TAF7L: variants seen among roughly 807,000 people sequenced by gnomAD.
TAF7L encodes the protein transcription initiation factor TFIID subunit 7-like.
Under a neutral mutation model 30.2 loss-of-function variants are expected in TAF7L, and 6 were observed. That is an observed-to-expected ratio of 0.20 (90% confidence interval 0.11 to 0.39). TAF7L has a LOEUF of 0.39. Ranked by LOEUF, TAF7L falls within the 10% of genes least tolerant of loss-of-function variation. The pLI, the probability that TAF7L is intolerant of heterozygous loss-of-function variation, is 1.00. For missense variants in TAF7L, 284 were observed against 277.1 expected, an observed-to-expected ratio of 1.03 and a Z score of -0.18; for synonymous variants, 93 against 94.5, an observed-to-expected ratio of 0.98 and a Z score of 0.09.
At chrX:101,287,635 A>G (rs1924650997) in intron 1 of TAF7L, 90 bp from the exon 2 acceptor site, 1 of 635,761 alleles carries the variant, frequency 1.6e-6, no homozygotes, top group East Asian at 3.4e-5. Context: ...AGTACTGGCT[A>G]AATTATACAA....
In TAF7L at chrX:101,276,378, A is replaced by AGAT. The variant is rs1160113170; in HGVS notation, c.839_841dup (p.Tyr280_Leu281insHis). 1 of 1,208,934 alleles carries AGAT rather than the reference A, an allele frequency of 8.3e-7. No homozygotes were observed. The highest frequency in any genetic ancestry group is 1.8e-5 in the African/African-American group (1 of 56,778). The stretch of plus-strand genomic sequence containing the variant: ...AAACTCGGCCTGCAGCTGCCTTTCC[A>AGAT]GATACTCTTCAGAACAATCTTCCTC... On this transcript the variant is annotated inframe_insertion, in exon 10 of 13. Coordinates refer to ENST00000356784, the MANE Select transcript of TAF7L (RefSeq NM_001168474.2).
At chrX:101,272,128 A>G (rs1456927986) in intron 12 of TAF7L, among the ~76,000 whole-genome samples, 3 of 110,763 alleles carry the variant, frequency 2.7e-5, no homozygotes, top group African/African-American at 9.9e-5. Context: ...GTCAGCACAC[A>G]TTTTCTATAC....
intron 6 of TAF7L, among the ~76,000 whole-genome samples, chrX:101,280,141 A>G (rs761248993): frequency 1.8e-5 from 2 of 111,181 alleles, no homozygotes; most frequent in South Asian, 3.8e-4. Flanking sequence ...TTTCAAAAAA[A>G]TCAATATATT....
chrX:101,284,749 G>C (rs1337569339), intron 3 of TAF7L, among the ~76,000 whole-genome samples: 2 of 109,194 alleles, frequency 1.8e-5, no homozygotes, highest in East Asian at 5.7e-4. Context: ...GTGAGATTAT[G>C]AGCCACTTTT....
chrX:101,280,195 A>G (rs992567943), intron 6 of TAF7L, among the ~76,000 whole-genome samples: 1 of 111,802 alleles, frequency 8.9e-6, no homozygotes, highest in Non-Finnish European at 1.9e-5. Flanking sequence ...GAAAGACCCT[A>G]CGAAGAGGAT....
At chrX:101,287,453 T>A in intron 2 of TAF7L, 25 bp downstream of exon 2, 3 of 1,099,627 alleles carry the variant, frequency 2.7e-6, no homozygotes, top group Non-Finnish European at 3.7e-6. Context: ...TATGAAGATA[T>A]TTGTTCTGAG....
chrX:101,269,261 T>A (rs775056971), intron 12 of TAF7L, 24 bp from the exon 13 acceptor site: 2 of 1,184,796 alleles, frequency 1.7e-6, no homozygotes, highest in Admixed American at 4.5e-5. Flanking sequence ...TAGAAAGACA[T>A]GAAAAATTCA....
In TAF7L at chrX:101,274,810, G is replaced by A. The variant is rs145505980; in HGVS notation, c.1086+412C>T. On this transcript the variant is annotated intron_variant, in intron 12 of 12. Coordinates refer to ENST00000356784, the MANE Select transcript of TAF7L (RefSeq NM_001168474.2). Reference sequence around the variant, plus strand: ...TTATTTCAACGTTTAATTATTAGAAGCGTTTTGGTTTTTATTTAGAAGTTT... The same window carrying A: ...TTATTTCAACGTTTAATTATTAGAAACGTTTTGGTTTTTATTTAGAAGTTT... Among the ~76,000 whole-genome samples, 797 of 112,008 alleles carry A rather than the reference G, an allele frequency of 7.1e-3. 4 individuals are homozygous for A. The highest frequency in any genetic ancestry group is 0.069 in the Middle Eastern group (15 of 216).
chrX:101,284,666 G>A (rs1174939552), intron 3 of TAF7L, among the ~76,000 whole-genome samples: 1 of 111,879 alleles, frequency 8.9e-6, no homozygotes, highest in East Asian at 2.8e-4. Flanking sequence ...CACCCAGCCT[G>A]TTTTATTTGA....
In TAF7L at chrX:101,277,628, G is replaced by A. The variant is rs762391009; in HGVS notation, c.669C>T (p.His223=). 12 of 1,190,823 alleles carry A rather than the reference G, an allele frequency of 1.0e-5. No homozygotes were observed. In the East Asian group the frequency reaches 3.6e-4, roughly 36 times the overall value. ...TACCTGACGAGGTATGACCCTGCTT[G>A]TGGCTGCTCATTCCCGAGGATATCA... ...GFLISSGMSS[H]KQGHTSSEYD... Residue 223 remains histidine (H), a synonymous_variant, in exon 9 of 13, where the codon CAC becomes CAT. Transcript: ENST00000356784.
chrX:101,273,708 G>A (rs7879118), intron 12 of TAF7L, among the ~76,000 whole-genome samples: 1,220 of 111,899 alleles, frequency 0.011, 17 homozygotes, highest in African/African-American at 0.038. Flanking sequence ...CATACACTAT[G>A]GTCTCTGCCT....
At position 101,282,401 on chromosome X, in the gene TAF7L, G is replaced by T. The variant is rs1319819673; in HGVS notation, c.332C>A (p.Ala111Asp). The T allele has an allele frequency of 8.3e-7, 1 of 1,208,659 alleles. No individual in the cohort carries two copies. Among genetic ancestry groups the T allele is most frequent in the Admixed American group, 2.2e-5 (1 of 45,653 alleles). Residue 111 changes from alanine to aspartate, a missense_variant, in exon 5 of 13, where the codon GCT becomes GAT. By Grantham distance (126) the Ala-to-Asp change is moderately radical. Coordinates refer to ENST00000356784, the MANE Select transcript of TAF7L (RefSeq NM_001168474.2). Reference protein sequence around the residue: ...GDIHLSPEEPAASTDPNIVRK... With the variant: ...GDIHLSPEEPDASTDPNIVRK... ...GACTATATTAGGATCAGTAGAGGCA[G>T]CTGGTTCTTCTGGAGAAAGGTGGAT...
At chrX:101,273,285 T>C (rs1318132193) in intron 12 of TAF7L, among the ~76,000 whole-genome samples, 2 of 111,270 alleles carry the variant, frequency 1.8e-5, no homozygotes, top group African/African-American at 6.5e-5. Flanking sequence ...ATAATCAGAG[T>C]AACCTTTTAA....
Position 101,269,937 on chromosome X carries a change from G to A in TAF7L, c.1087-700C>T, listed in dbSNP as rs1055208600. On this transcript the variant is annotated intron_variant, in intron 12 of 12. Transcript: ENST00000356784. ...GGGCAAAGGAGATGGGATCTCTGTA[G>A]CCATATTCTAAGAGTCAGATGATAA... Among the ~76,000 whole-genome samples the A allele has an allele frequency of 2.7e-5, 3 of 112,008 alleles. No homozygotes were observed. In the East Asian group the frequency reaches 8.4e-4, roughly 31 times the overall value.
intron 8 of TAF7L, 68 bp downstream of exon 8, chrX:101,277,981 T>G: frequency 1.0e-6 from 1 of 973,553 alleles, no homozygotes; most frequent in Non-Finnish European, 1.5e-6. Context: ...ACACCAGAGG[T>G]GAGGCTTCGT....
chrX:101,269,652 C>A lies in TAF7L; in HGVS notation c.1087-415G>T, dbSNP rs1013570976. 9.9e-5 allele frequency among the ~76,000 whole-genome samples: 11 copies of A among 110,902 alleles called. No individual in the cohort carries two copies. The Middle Eastern group carries it at 0.014, about 140-fold the overall frequency. On this transcript the variant is annotated intron_variant, in intron 12 of 12. Transcript: ENST00000356784. ...AGAGGAGAACTTATGCAGGGAAACT[C>A]CCCTTTTTAAAACCATCAGATCTCG...
chrX:101,277,610 C>T lies in TAF7L; in HGVS notation c.687G>A (p.Ser229=), dbSNP rs147337578. 544 of 1,166,142 alleles carry T rather than the reference C, an allele frequency of 4.7e-4. 3 individuals carry two copies. Among genetic ancestry groups the T allele is most frequent in the Non-Finnish European group, 2.6e-4 (229 of 871,635 alleles). ...GCTTTGCCTTTACTAAAGTACCTGA[C>T]GAGGTATGACCCTGCTTGTGGCTGC... is the stretch of plus-strand genomic sequence containing the variant. ...GMSSHKQGHT[S]SEYDMLREMF... The change falls in exon 9 of 13, where the codon TCG becomes TCA. Residue 229 remains serine (S), a synonymous_variant. Transcript: ENST00000356784.
chrX:101,285,324 C>T (rs1261338905), intron 3 of TAF7L, among the ~76,000 whole-genome samples: 2 of 109,181 alleles, frequency 1.8e-5, no homozygotes, highest in Non-Finnish European at 3.8e-5. Context: ...GGTGAAACCC[C>T]ATCTCTACCA....
At chrX:101,285,497 CA>C (rs768979097) in intron 3 of TAF7L, among the ~76,000 whole-genome samples, 2,060 of 23,040 alleles carry the variant, frequency 0.089, 48 homozygotes, top group African/African-American at 0.23. Flanking sequence ...GACTCCATCT[CA>C]AAAAAAAAAA....
Sources: gnomAD v4.1 joint callset for allele counts (sites outside exome capture counted in the v4.1 genomes callset) on GRCh38, gnomAD v4.1.1 for gene constraint, MANE v1.5 for transcripts, NCBI Gene and HGNC (gene_info 2026-07-23, HGNC 2026-07-21) for gene names.